Variants in BNC2 observed in about 807,000 individuals in gnomAD.
BNC2 encodes basonuclin zinc finger protein 2, also known as zinc finger protein basonuclin-2.
Under a neutral mutation model 76.3 loss-of-function variants are expected in BNC2, and 20 were observed. The observed-to-expected ratio is 0.26, with a 90% CI of 0.18 to 0.38. The LOEUF is 0.38. Among genes scored for constraint, BNC2 ranks in the 10% least tolerant of loss-of-function variants. The probability of loss-of-function intolerance (pLI) is 1.00; values close to 1 mark genes in which losing one functional copy is unlikely to be tolerated. For synonymous variants in BNC2, 582 were observed against 514.8 expected, an observed-to-expected ratio of 1.13 and a Z score of -1.77; for missense variants, 1,382 against 1,399.8, an observed-to-expected ratio of 0.99 and a Z score of 0.20.
chr9:16,825,393 G>A (rs997661876), intron 1 of BNC2, among the ~76,000 whole-genome samples: 1 of 152,076 alleles, frequency 6.6e-6, no homozygotes, highest in African/African-American at 2.4e-5. Flanking sequence ...GGGTGGGGAA[G>A]GGTTATGCAG....
intron 5 of BNC2, among the ~76,000 whole-genome samples, chr9:16,550,091 T>C: frequency 6.6e-6 from 1 of 152,202 alleles, no homozygotes; most frequent in East Asian, 1.9e-4. Flanking sequence ...TTATAAATTT[T>C]AGTTCCTGGT....
chr9:16,604,800 C>T (rs1208382565), intron 3 of BNC2, among the ~76,000 whole-genome samples: 3 of 148,010 alleles, frequency 2.0e-5, no homozygotes, highest in African/African-American at 4.9e-5. Context: ...GAGATTCCAA[C>T]TCAAGAAAAA....
At chr9:16,507,845 A>C (rs1341330773) in intron 5 of BNC2, among the ~76,000 whole-genome samples, 1 of 152,222 alleles carries the variant, frequency 6.6e-6, no homozygotes, top group Admixed American at 6.5e-5. Flanking sequence ...ACCCAAATAT[A>C]ATTGAGAATA....
chr9:16,529,546 A>AT (rs1339436698), intron 5 of BNC2, among the ~76,000 whole-genome samples: 2 of 152,208 alleles, frequency 1.3e-5, no homozygotes, highest in Non-Finnish European at 2.9e-5. Context: ...GCTTTGATAT[A>AT]TTTTGACATC....
chr9:16,464,819 C>G (rs2131294452), intron 5 of BNC2, among the ~76,000 whole-genome samples: 1 of 152,228 alleles, frequency 6.6e-6, no homozygotes, highest in Non-Finnish European at 1.5e-5. Flanking sequence ...ACTTATTAAT[C>G]CTGAAAAAGT....
intron 6 of BNC2, 112 bp from the exon 7 acceptor site, chr9:16,419,761 T>G: frequency 1.4e-6 from 1 of 734,932 alleles, no homozygotes. Context: ...AATAAGCACA[T>G]TCACTTCTAA....
At chr9:16,758,393 G>A (rs1030532735) in intron 1 of BNC2, among the ~76,000 whole-genome samples, 1 of 151,838 alleles carries the variant, frequency 6.6e-6, no homozygotes, top group Admixed American at 6.6e-5. Flanking sequence ...AGGCTGGAGT[G>A]CAGTGGTGCC....
chr9:16,482,638 C>G (rs1262605511), intron 5 of BNC2, among the ~76,000 whole-genome samples: 1 of 151,690 alleles, frequency 6.6e-6, no homozygotes, highest in Non-Finnish European at 1.5e-5. Flanking sequence ...TCCAACCCCA[C>G]AGCCGGCAGA....
At chr9:16,851,054 A>G (rs1208929651) in intron 1 of BNC2, among the ~76,000 whole-genome samples, 1 of 151,808 alleles carries the variant, frequency 6.6e-6, no homozygotes, top group Non-Finnish European at 1.5e-5. Context: ...TATAAATAAT[A>G]ATACTTATTT....
At chr9:16,866,345 T>C (rs1819542327) in intron 1 of BNC2, among the ~76,000 whole-genome samples, 1 of 152,042 alleles carries the variant, frequency 6.6e-6, no homozygotes, top group Non-Finnish European at 1.5e-5. Flanking sequence ...AATACAGAAG[T>C]TGTATGTAGA....
At position 16,858,825 on chromosome 9, in the gene BNC2, G is replaced by A. The variant is rs972426939; in HGVS notation, c.3+11821C>T. ...TGCACCACTGCACTCCAGCCTGGGC[G>A]AAAGAGGGAGACTCCATCTCAAAAA... On this transcript the variant is annotated intron_variant, in intron 1 of 6. Transcript: ENST00000380672. Among the ~76,000 whole-genome samples, 22 of 150,062 alleles carry A rather than the reference G, an allele frequency of 1.5e-4. 1 individual carries two copies. The highest frequency in any genetic ancestry group is 8.7e-4 in the Admixed American group (13 of 15,018).
At chr9:16,659,926 T>C (rs10962526) in intron 3 of BNC2, among the ~76,000 whole-genome samples, 83,706 of 152,130 alleles carry the variant, frequency 0.55, 24,967 homozygotes, top group East Asian at 1. Flanking sequence ...GGAAAGGACT[T>C]TGTTACACTG....
intron 5 of BNC2, among the ~76,000 whole-genome samples, chr9:16,458,771 A>T (rs1235287959): frequency 2.6e-5 from 4 of 152,200 alleles, no homozygotes; most frequent in African/African-American, 9.7e-5. Context: ...TTTACTAAGC[A>T]CTCACTATGT....
rs532427808 is a variant in BNC2, at chr9:16,700,202, G to C, written c.330+27595C>G. 1.5e-3 allele frequency among the ~76,000 whole-genome samples: 223 copies of C among 152,246 alleles called. 1 individual carries two copies. Among genetic ancestry groups the C allele is most frequent in the African/African-American group, 5.2e-3 (217 of 41,556 alleles). ...TTAGTTTTTTCAGACTCGTTCCATA[G>C]TAAAATTACTTCATTGCTATGGATG... On this transcript the variant is annotated intron_variant, in intron 3 of 6. Transcript: ENST00000380672.
chr9:16,762,397 T>G (rs1825578648), intron 1 of BNC2, among the ~76,000 whole-genome samples: 1 of 152,106 alleles, frequency 6.6e-6, no homozygotes, highest in Non-Finnish European at 1.5e-5. Context: ...AGTAAAACAG[T>G]ATTTCGAAAA....
chr9:16,804,783 G>A (rs777857848), intron 1 of BNC2, among the ~76,000 whole-genome samples: 7 of 152,096 alleles, frequency 4.6e-5, no homozygotes, highest in Non-Finnish European at 7.4e-5. Context: ...GTGTGGAGAG[G>A]CCGGGTGCAG....
intron 4 of BNC2, among the ~76,000 whole-genome samples, chr9:16,558,128 A>G (rs1357642393): frequency 6.6e-6 from 1 of 152,134 alleles, no homozygotes; most frequent in Non-Finnish European, 1.5e-5. Context: ...GATTACAGGC[A>G]TGAGCCACCA....
intron 3 of BNC2, among the ~76,000 whole-genome samples, chr9:16,714,421 G>T (rs1306757162): frequency 6.6e-6 from 1 of 152,146 alleles, no homozygotes; most frequent in African/African-American, 2.4e-5. Flanking sequence ...AAAGCGTTAA[G>T]TCACAGCTGT....
At chr9:16,794,352 C>CAA in intron 1 of BNC2, among the ~76,000 whole-genome samples, 1 of 152,130 alleles carries the variant, frequency 6.6e-6, no homozygotes, top group South Asian at 2.1e-4. Context: ...CATGACTGAG[C>CAA]TTTTTTCACA....
Sources: allele counts gnomAD v4.1 joint callset (sites outside exome capture counted in the v4.1 genomes callset), GRCh38; gene constraint gnomAD v4.1.1; transcripts MANE v1.5; gene names NCBI Gene and HGNC (gene_info 2026-07-23, HGNC 2026-07-21).